Variants in ITPRID1 observed in about 807,000 individuals in gnomAD.
The protein encoded by ITPRID1 is ITPR interacting domain containing 1.
Under a neutral mutation model 95.4 loss-of-function variants are expected in ITPRID1, and 96 were observed. The ratio of observed to expected loss-of-function variants is 1.01; its 90% CI spans 0.85 to 1.19. The LOEUF (loss-of-function observed/expected upper bound fraction) is 1.19. ITPRID1 is among the 50% of genes most tolerant of loss of function. The pLI is 0.00. For missense variants in ITPRID1, 1,339 were observed against 1,252.9 expected, an observed-to-expected ratio of 1.07 and a Z score of -1.04; for synonymous variants, 510 against 453.6, an observed-to-expected ratio of 1.12 and a Z score of -1.58.
intron 10 of ITPRID1, among the ~76,000 whole-genome samples, chr7:31,638,690 G>A (rs914548309): frequency 5.3e-5 from 8 of 151,994 alleles, no homozygotes; most frequent in African/African-American, 9.7e-5. Flanking sequence ...TTGTTAACTC[G>A]ATATGTAATG....
chr7:31,569,910 C>T, intron 6 of ITPRID1, 101 bp downstream of exon 6: 1 of 919,338 alleles, frequency 1.1e-6, no homozygotes, highest in Non-Finnish European at 1.6e-6. Context: ...TGCCATAGCT[C>T]TTGGGATCTC....
At chr7:31,530,455 T>C (rs1036078118) in intron 1 of ITPRID1, among the ~76,000 whole-genome samples, 1 of 152,188 alleles carries the variant, frequency 6.6e-6, no homozygotes, top group Non-Finnish European at 1.5e-5. Flanking sequence ...ATTTGAGTTT[T>C]AGATCAATAG....
downstream of ITPRID1, chr7:31,658,546 C>A (rs549124460): frequency 3.7e-5 from 17 of 462,114 alleles, no homozygotes; most frequent in Non-Finnish European, 1.4e-5. Flanking sequence ...GGGTTGCATA[C>A]GTAATTTCAA....
chr7:31,543,544 T>C (rs1446088646), intron 1 of ITPRID1, among the ~76,000 whole-genome samples: 6 of 152,118 alleles, frequency 3.9e-5, no homozygotes, highest in Non-Finnish European at 7.4e-5. Flanking sequence ...TTGAGCGTCT[T>C]CATATGCGTA....
intron 10 of ITPRID1, among the ~76,000 whole-genome samples, chr7:31,639,540 T>TG (rs1280055837): frequency 0.049 from 402 of 8,216 alleles, 4 homozygotes; most frequent in African/African-American, 0.12. Context: ...TTGTTTTTGT[T>TG]TTTTTTTTTT....
At chr7:31,517,887 AG>A (rs1401149714) in intron 1 of ITPRID1, 1 of 152,284 alleles carries the variant, frequency 6.6e-6, no homozygotes, top group Non-Finnish European at 1.5e-5. Flanking sequence ...TCAGAATAAG[AG>A]GTCTCCACTG....
At chr7:31,588,341 G>A (rs1785711093) in intron 10 of ITPRID1, among the ~76,000 whole-genome samples, 2 of 151,956 alleles carry the variant, frequency 1.3e-5, no homozygotes, top group Admixed American at 1.3e-4. Context: ...ACAGAAAGTA[G>A]CAGTCTTGGC....
chr7:31,619,196 T>C (rs1365920806), intron 10 of ITPRID1, among the ~76,000 whole-genome samples: 1 of 152,232 alleles, frequency 6.6e-6, no homozygotes, highest in Non-Finnish European at 1.5e-5. Context: ...AGGTGTCCTT[T>C]CTATGTCTAT....
chr7:31,594,885 T>C (rs1786018083), intron 10 of ITPRID1, among the ~76,000 whole-genome samples: 1 of 151,820 alleles, frequency 6.6e-6, no homozygotes, highest in South Asian at 2.1e-4. Flanking sequence ...AGGGGGAGCT[T>C]TTAATATTCC....
chr7:31,574,670 A>G lies in ITPRID1; in HGVS notation c.526A>G (p.Arg176Gly), dbSNP rs1326830640. The G allele has an allele frequency of 1.2e-6, 2 of 1,613,912 alleles. No homozygotes were observed. The highest frequency in any genetic ancestry group is 1.1e-5 in the South Asian group (1 of 91,086). ...ARFLGCGSAA[R>G]GINIRVFLEA... The stretch of plus-strand genomic sequence containing the variant: ...ATTCCTTGGTTGTGGCTCAGCAGCC[A>G]GAGGAATCAACATCCGTGTTTTTCT... Residue 176 changes from arginine to glycine, a missense_variant, in exon 8 of 15, where the codon AGA becomes GGA. By Grantham distance (125) the Arg-to-Gly change is moderately radical (BLOSUM62 -2). Coordinates refer to ENST00000615280, the MANE Select transcript of ITPRID1 (RefSeq NM_001257967.3).
chr7:31,537,663 TC>T (rs1783803800), intron 1 of ITPRID1, among the ~76,000 whole-genome samples: 1 of 152,160 alleles, frequency 6.6e-6, no homozygotes, highest in South Asian at 2.1e-4. Flanking sequence ...CTGTTCTTAT[TC>T]CATTGATTTT....
In ITPRID1 at chr7:31,537,095, T is replaced by TTGTGTGTGTGTGTG. The variant is rs66543091; in HGVS notation, c.-97-12305_-97-12292dup. On this transcript the variant is annotated intron_variant, in intron 1 of 14. Coordinates refer to ENST00000615280, the MANE Select transcript of ITPRID1 (RefSeq NM_001257967.3). ...ATTGTATGCCTAGAAGGTGTGTGTG[T>TTGTGTGTGTGTGTG]TGTGTGTGTGTGTGTGTGTGTGTGT... Among the ~76,000 whole-genome samples the TTGTGTGTGTGTGTG allele has an allele frequency of 3.3e-3, 479 of 145,658 alleles. 4 individuals are homozygous for TTGTGTGTGTGTGTG. The highest frequency in any genetic ancestry group is 0.012 in the African/African-American group (453 of 38,988).
intron 10 of ITPRID1, among the ~76,000 whole-genome samples, chr7:31,627,659 C>A (rs76135798): frequency 5.8e-4 from 44 of 75,532 alleles, no homozygotes; most frequent in Non-Finnish European, 6.3e-4. Context: ...GACACTGTCT[C>A]AAAAAAAAAA....
chr7:31,589,514 G>C (rs1024543397), intron 10 of ITPRID1, among the ~76,000 whole-genome samples: 1 of 152,004 alleles, frequency 6.6e-6, no homozygotes, highest in African/African-American at 2.4e-5. Context: ...TAATTACAAA[G>C]AAATTACAAA....
intron 5 of ITPRID1, among the ~76,000 whole-genome samples, chr7:31,569,123 C>A (rs1399882474): frequency 1.3e-5 from 2 of 152,190 alleles, no homozygotes; most frequent in Non-Finnish European, 2.9e-5. Context: ...AGATGCACTA[C>A]TTTTGACTGT....
At position 31,521,614 on chromosome 7, in the gene ITPRID1, C is replaced by CT. The variant is rs1351941120; in HGVS notation, c.-98+7497dup. 4.6e-3 allele frequency among the ~76,000 whole-genome samples: 403 copies of CT among 88,324 alleles called. 18 individuals carry two copies. Among genetic ancestry groups the CT allele is most frequent in the East Asian group, 0.011 (15 of 1,370 alleles). 57.9% of individuals were successfully genotyped at this position (88,324 alleles called of 152,430 possible). On this transcript the variant is annotated intron_variant, in intron 1 of 14. Coordinates refer to ENST00000615280, the MANE Select transcript of ITPRID1 (RefSeq NM_001257967.3). ...GTTTCAGTTTGTCCAGCTTTTTCTC[C>CT]TTTCCCTCCTTCCTTCCTTCCTTCC...
chr7:31,618,633 TG>T (rs1278053390), intron 10 of ITPRID1, among the ~76,000 whole-genome samples: 1 of 152,172 alleles, frequency 6.6e-6, no homozygotes, highest in African/African-American at 2.4e-5. Context: ...CCTCCATTAA[TG>T]GGGTCACAAT....
intron 5 of ITPRID1, among the ~76,000 whole-genome samples, chr7:31,557,024 A>G (rs1014302132): frequency 1.4e-4 from 21 of 151,822 alleles, no homozygotes; most frequent in African/African-American, 5.1e-4. Flanking sequence ...ACTCCTTTCT[A>G]TGACTTCATC....
intron 1 of ITPRID1, among the ~76,000 whole-genome samples, chr7:31,519,637 T>TCC: frequency 7.6e-6 from 1 of 132,242 alleles, no homozygotes; most frequent in Non-Finnish European, 1.6e-5. Context: ...TATATATATA[T>TCC]ATATATATAA....
Sources: gnomAD v4.1 joint callset for allele counts (sites outside exome capture counted in the v4.1 genomes callset) on GRCh38, gnomAD v4.1.1 for gene constraint, MANE v1.5 for transcripts, NCBI Gene and HGNC (gene_info 2026-07-23, HGNC 2026-07-21) for gene names.